PLSCR2: variants seen among roughly 807,000 people sequenced by gnomAD.
PLSCR2 encodes the protein PL scramblase 2.
Under a neutral mutation model 25.3 loss-of-function variants are expected in PLSCR2, and 18 were observed. That is an observed-to-expected ratio of 0.71 (90% CI 0.49 to 1.06). PLSCR2 has a LOEUF of 1.06. Among genes scored for constraint, PLSCR2 ranks in the 50% least tolerant of loss-of-function variants. PLSCR2 has a pLI of 0.00. For synonymous variants in PLSCR2, 88 were observed against 87.3 expected (o/e 1.01, Z -0.04); for missense variants, 243 against 269.5 (o/e 0.90, Z 0.69).
At chr3:146,491,057 T>A (rs1418632859) in intron 1 of PLSCR2, among the ~76,000 whole-genome samples, 1 of 152,112 alleles carries the variant, frequency 6.6e-6, no homozygotes, top group Non-Finnish European at 1.5e-5. Flanking sequence ...AACAAATTCC[T>A]TAGAATTTGC....
intron 1 of PLSCR2, among the ~76,000 whole-genome samples, chr3:146,489,980 G>C (rs560560209): frequency 2.0e-5 from 3 of 151,784 alleles, no homozygotes; most frequent in African/African-American, 7.3e-5. Flanking sequence ...CCCCATTCCG[G>C]GTCTCCAAAA....
chr3:146,476,644 C>T (rs965932895), intron 1 of PLSCR2, among the ~76,000 whole-genome samples: 2 of 152,234 alleles, frequency 1.3e-5, no homozygotes, highest in East Asian at 3.9e-4. Flanking sequence ...AGGGCAGTAG[C>T]CATCACTACA....
intron 1 of PLSCR2, among the ~76,000 whole-genome samples, chr3:146,493,534 A>G (rs1174120462): frequency 2.0e-5 from 3 of 152,166 alleles, no homozygotes; most frequent in African/African-American, 7.2e-5. Context: ...CAAAAACCAC[A>G]TGATCATTTC....
At chr3:146,454,188 C>A in intron 4 of PLSCR2, 25 bp from the exon 5 acceptor site, 1 of 1,469,722 alleles carries the variant, frequency 6.8e-7, no homozygotes, top group South Asian at 1.3e-5. Flanking sequence ...TATGTGTGAA[C>A]GTAATAAATC....
intron 3 of PLSCR2, among the ~76,000 whole-genome samples, chr3:146,392,852 T>C (rs1408330616): frequency 1.3e-5 from 2 of 150,072 alleles, no homozygotes; most frequent in Non-Finnish European, 3.0e-5. Context: ...GGTTTATTCT[T>C]TTTTTTTTTC....
chr3:146,449,245 A>C, exon 6 of PLSCR2: 3 of 1,613,304 alleles, frequency 1.9e-6, no homozygotes, highest in Non-Finnish European at 2.5e-6. Context: ...CTTTCATTTT[A>C]ACATCAAGGT....
chr3:146,415,388 C>T (rs10804714), intron 2 of PLSCR2, among the ~76,000 whole-genome samples: 78,038 of 151,696 alleles, frequency 0.51, 20,455 homozygotes, highest in South Asian at 0.7. Flanking sequence ...ATTATTATTA[C>T]AGTCTATAAG....
intron 6 of PLSCR2, among the ~76,000 whole-genome samples, chr3:146,446,037 T>C (rs947568326): frequency 2.6e-5 from 4 of 152,294 alleles, no homozygotes; most frequent in Middle Eastern, 3.4e-3. Context: ...TCGGATAGGA[T>C]TCTGAATTCC....
At chr3:146,414,953 T>C (rs1218493231) in intron 2 of PLSCR2, among the ~76,000 whole-genome samples, 1 of 152,226 alleles carries the variant, frequency 6.6e-6, no homozygotes, top group East Asian at 1.9e-4. Flanking sequence ...GAGAAGACTA[T>C]TGCTGCATTT....
chr3:146,417,752 A>G (rs950501339), intron 2 of PLSCR2, among the ~76,000 whole-genome samples: 1 of 152,218 alleles, frequency 6.6e-6, no homozygotes, highest in African/African-American at 2.4e-5. Context: ...TATTTTCTAC[A>G]TGAAGAAATG....
chr3:146,488,559 G>A (rs1031822119), intron 1 of PLSCR2, among the ~76,000 whole-genome samples: 26 of 151,978 alleles, frequency 1.7e-4, no homozygotes, highest in Non-Finnish European at 3.1e-4. Flanking sequence ...TATGTGGCCA[G>A]CAAACATGAA....
chr3:146,474,356 T>C (rs551484929), intron 1 of PLSCR2, among the ~76,000 whole-genome samples: 5 of 152,324 alleles, frequency 3.3e-5, no homozygotes, highest in East Asian at 1.9e-4. Flanking sequence ...CACAGCTTTA[T>C]GGGAAACAGT....
At chr3:146,476,330 C>T (rs990263291) in intron 1 of PLSCR2, among the ~76,000 whole-genome samples, 10 of 152,340 alleles carry the variant, frequency 6.6e-5, no homozygotes, top group African/African-American at 2.4e-4. Context: ...AAGGGAGGCG[C>T]TGAGTGTTCA....
At chr3:146,441,057 GTCTT>G (rs554274012), downstream of PLSCR2, among the ~76,000 whole-genome samples, 776 of 152,138 alleles carry the variant, frequency 5.1e-3, 4 homozygotes, top group Non-Finnish European at 6.9e-3. Flanking sequence ...ACACAGTCAT[GTCTT>G]TCTTTATTTA....
At chr3:146,445,707 CT>C (rs2040512627) in intron 6 of PLSCR2, among the ~76,000 whole-genome samples, 1 of 152,144 alleles carries the variant, frequency 6.6e-6, no homozygotes, top group Non-Finnish European at 1.5e-5. Context: ...GAAAAGTTCT[CT>C]GTTATTATCC....
chr3:146,414,161 C>T (rs1387834653), intron 2 of PLSCR2, among the ~76,000 whole-genome samples: 2 of 152,168 alleles, frequency 1.3e-5, no homozygotes, highest in East Asian at 3.9e-4. Flanking sequence ...CTAACCTACT[C>T]CTGAGATAAA....
Position 146,449,375 on chromosome 3 carries a change from G to GAAAA in PLSCR2, c.484-9_484-8insTTTT. ...TTCATCAAGAGATGTAATCTAAATT[G>GAAAA]CAAAAAAAAAAAAAACTTAAAAATT... is the stretch of plus-strand genomic sequence containing the variant. On this transcript the variant is annotated splice_polypyrimidine_tract_variant and intron_variant, in intron 5 of 6. Coordinates refer to ENST00000610787, the Ensembl canonical transcript of PLSCR2. The GAAAA allele has an allele frequency of 7.2e-7, 1 of 1,385,478 alleles. No individual in the cohort carries two copies. The highest frequency in any genetic ancestry group is 9.6e-7 in the Non-Finnish European group (1 of 1,044,552). 85.8% of individuals were successfully genotyped at this position (1,385,478 alleles called of 1,614,324 possible).
At chr3:146,431,877 A>AG (rs2039558667), downstream of PLSCR2, among the ~76,000 whole-genome samples, 1 of 151,524 alleles carries the variant, frequency 6.6e-6, no homozygotes, top group Non-Finnish European at 1.5e-5. Context: ...AAAAAAAAAA[A>AG]AGACTTTATT....
chr3:146,411,023 T>G (rs1156644750), intron 2 of PLSCR2, among the ~76,000 whole-genome samples: 2 of 152,132 alleles, frequency 1.3e-5, no homozygotes, highest in Non-Finnish European at 2.9e-5. Flanking sequence ...GGAGGATAAG[T>G]GCAAGCCCTT....
Sources: allele counts gnomAD v4.1 joint callset (sites outside exome capture counted in the v4.1 genomes callset), GRCh38; gene constraint gnomAD v4.1.1; transcripts MANE v1.5; gene names NCBI Gene and HGNC (gene_info 2026-07-23, HGNC 2026-07-21).